The following TRAPPC10 variants were observed in gnomAD, a reference collection of about 807,000 sequenced individuals.
TRAPPC10 encodes TRAPP 130 kDa subunit.
A neutral mutation model predicts 125.5 loss-of-function variants in TRAPPC10; 23 were observed. The observed-to-expected ratio is 0.18, with a 90% CI of 0.13 to 0.26. TRAPPC10 has a LOEUF of 0.26. TRAPPC10 is among the 10% of genes least tolerant of loss of function. The pLI is 1.00. For missense variants in TRAPPC10, 1,123 were observed against 1,308.4 expected (o/e 0.86, Z 2.19); for synonymous variants, 509 against 518.0 (o/e 0.98, Z 0.24).
At chr21:44,088,404 C>G (rs1158918501) in intron 17 of TRAPPC10, 1 of 181,896 alleles carries the variant, frequency 5.5e-6, no homozygotes, top group African/African-American at 2.4e-5. Context: ...CACAGGATAT[C>G]AGCTCATGGA....
At chr21:44,077,255 A>T (rs530358808) in intron 10 of TRAPPC10, among the ~76,000 whole-genome samples, 47 of 152,346 alleles carry the variant, frequency 3.1e-4, no homozygotes, top group African/African-American at 1.1e-3. Context: ...AAATTCACAA[A>T]AATAGATGCA....
chr21:44,074,604 G>T, intron 8 of TRAPPC10, 134 bp downstream of exon 8: 1 of 1,179,290 alleles, frequency 8.5e-7, no homozygotes, highest in Non-Finnish European at 1.2e-6. Flanking sequence ...GGCCCTAGAA[G>T]GTGTCTGGGT....
chr21:44,058,098 G>A (rs2035745509), intron 5 of TRAPPC10, among the ~76,000 whole-genome samples: 1 of 152,192 alleles, frequency 6.6e-6, no homozygotes, highest in African/African-American at 2.4e-5. Flanking sequence ...GTGTGACAGT[G>A]GAGGAGATAC....
At chr21:44,026,623 T>A (rs2256392) in intron 1 of TRAPPC10, among the ~76,000 whole-genome samples, 1 of 152,246 alleles carries the variant, frequency 6.6e-6, no homozygotes. Flanking sequence ...CTTAAAGAAT[T>A]ATTATTTCTG....
At position 44,012,464 on chromosome 21, in the gene TRAPPC10, G is replaced by C; in HGVS notation, c.-30G>C. The C allele has an allele frequency of 7.0e-7, 1 of 1,420,138 alleles. No homozygotes were observed. Among genetic ancestry groups the C allele is most frequent in the Non-Finnish European group, 9.3e-7 (1 of 1,071,064 alleles). The allele number at this position is 1,420,138 out of a possible 1,614,324, so 88.0% of individuals were successfully genotyped here. On this transcript the variant is annotated 5_prime_UTR_variant, in exon 1 of 23. Transcript: ENST00000291574. ...GGCCTCGGGGCTGCCCATGGGGCGC[G>C]GGGGGCCGGGCCGGTGACGCCGGAC...
Position 44,059,812 on chromosome 21 carries a change from G to A in TRAPPC10, c.790+598G>A, listed in dbSNP as rs2035897449. 2.9e-6 allele frequency: 1 copy of A among 350,176 alleles called. No individual in the cohort carries two copies. The allele number at this position is 350,176 out of a possible 1,614,324, so 21.7% of individuals were successfully genotyped here. ...CTGTCGCTCCTTTTTGTTACTCACA[G>A]CCCATCCTGGGCATCTCTCCAGGTT... is the stretch of plus-strand genomic sequence containing the variant. On this transcript the variant is annotated intron_variant, in intron 6 of 22. Coordinates refer to ENST00000291574, the MANE Select transcript of TRAPPC10 (RefSeq NM_003274.5). The surrounding 1 kb of genome is among the most constrained non-coding windows in gnomAD (Gnocchi z 4.4).
chr21:44,038,333 T>A (rs751078116), intron 3 of TRAPPC10, among the ~76,000 whole-genome samples: 1 of 152,084 alleles, frequency 6.6e-6, no homozygotes, highest in Non-Finnish European at 1.5e-5. Context: ...CCAGGCTTAG[T>A]CTAAGCTGTG....
intron 17 of TRAPPC10, chr21:44,089,557 C>A (rs532187089): frequency 9.8e-6 from 5 of 512,166 alleles, no homozygotes; most frequent in African/African-American, 9.6e-5. Context: ...GCTTAGAGGA[C>A]GGCTGTGCTC....
chr21:44,077,838 G>A lies in TRAPPC10; in HGVS notation c.1469+54G>A, dbSNP rs1407331465. 1.1e-5 allele frequency: 15 copies of A among 1,369,470 alleles called. No homozygotes were observed. The South Asian group carries it at 1.8e-4, about 17-fold the overall frequency. The allele number at this position is 1,369,470 out of a possible 1,614,324, so 84.8% of individuals were successfully genotyped here. On this transcript the variant is annotated intron_variant, in intron 11 of 22. Transcript: ENST00000291574. ...TCTAAACATACAAATAACACGAGAA[G>A]ATTTGTTATATATGGAGTTAGTATA...
intron 20 of TRAPPC10, among the ~76,000 whole-genome samples, chr21:44,095,001 TTTAA>T (rs1457773840): frequency 6.7e-6 from 1 of 149,570 alleles, no homozygotes; most frequent in Non-Finnish European, 1.5e-5. Flanking sequence ...TATTAAATAA[TTTAA>T]TTAAATCAAA....
At chr21:44,085,595 G>C (rs907669453) in intron 15 of TRAPPC10, among the ~76,000 whole-genome samples, 1 of 152,042 alleles carries the variant, frequency 6.6e-6, no homozygotes, top group Non-Finnish European at 1.5e-5. Flanking sequence ...ACAGGCTGGA[G>C]CCCCAGCTGA....
intron 5 of TRAPPC10, among the ~76,000 whole-genome samples, chr21:44,058,067 T>G (rs1249457131): frequency 6.6e-6 from 1 of 152,094 alleles, no homozygotes; most frequent in East Asian, 1.9e-4. Flanking sequence ...ACGCCGTCAG[T>G]GTACAGTTTT....
intron 13 of TRAPPC10, 26 bp downstream of exon 13, chr21:44,080,153 T>A (rs770462761): frequency 6.4e-7 from 1 of 1,573,932 alleles, no homozygotes; most frequent in Non-Finnish European, 8.7e-7. Context: ...ACAACTTGAC[T>A]AGGAATATTT....
intron 6 of TRAPPC10, among the ~76,000 whole-genome samples, chr21:44,060,449 G>A (rs566249117): frequency 6.6e-6 from 1 of 151,720 alleles, no homozygotes; most frequent in African/African-American, 2.4e-5. Context: ...CCTGGCTAAT[G>A]TTTTGTATTT....
chr21:44,012,378 C>G lies in TRAPPC10; in HGVS notation c.-116C>G. ...AGCTGCGGCGCAACCGGCTCCGGAG[C>G]TGCCTGGCGCGGCCGGGCGGGCGGC... is the stretch of plus-strand genomic sequence containing the variant. On this transcript the variant is annotated 5_prime_UTR_variant, in exon 1 of 23. Transcript: ENST00000291574. 4.1e-6 allele frequency: 2 copies of G among 490,426 alleles called. No homozygotes were observed. The highest frequency in any genetic ancestry group is 5.3e-6 in the Non-Finnish European group (2 of 377,374). The allele number at this position is 490,426 out of a possible 1,614,324, so 30.4% of individuals were successfully genotyped here.
At chr21:44,083,763 C>T (rs1396072452) in intron 14 of TRAPPC10, among the ~76,000 whole-genome samples, 1 of 152,224 alleles carries the variant, frequency 6.6e-6, no homozygotes, top group Non-Finnish European at 1.5e-5. Context: ...GTTCCACTAA[C>T]TCAACAGGAT....
chr21:44,079,719 T>C lies in TRAPPC10; in HGVS notation c.1610+15T>C. Reference sequence around the variant, plus strand: ...CAAATTGAAAAGTATCCTTTAATGTTTTCATGAAGCAGGAAAATTATTTTC... The same window carrying C: ...CAAATTGAAAAGTATCCTTTAATGTCTTCATGAAGCAGGAAAATTATTTTC... On this transcript the variant is annotated intron_variant, in intron 12 of 22. Coordinates refer to ENST00000291574, the MANE Select transcript of TRAPPC10 (RefSeq NM_003274.5). 1.9e-6 allele frequency: 3 copies of C among 1,595,536 alleles called. No homozygotes were observed. In the South Asian group the frequency reaches 3.5e-5, roughly 18 times the overall value.
chr21:44,030,508 C>A (rs1306739534), intron 1 of TRAPPC10, among the ~76,000 whole-genome samples: 2 of 151,650 alleles, frequency 1.3e-5, no homozygotes, highest in East Asian at 3.9e-4. Flanking sequence ...GCTCTTGTTG[C>A]CCAGGCTGGA....
intron 1 of TRAPPC10, among the ~76,000 whole-genome samples, chr21:44,029,622 C>T (rs1379889630): frequency 1.3e-5 from 2 of 152,194 alleles, no homozygotes; most frequent in Non-Finnish European, 2.9e-5. Flanking sequence ...GGGCTGCCGC[C>T]ACAGAGTCAC....
Sources: allele counts gnomAD v4.1 joint callset (sites outside exome capture counted in the v4.1 genomes callset), GRCh38; gene constraint gnomAD v4.1.1; non-coding constraint Gnocchi (gnomAD v3.1); transcripts MANE v1.5; gene names NCBI Gene and HGNC (gene_info 2026-07-23, HGNC 2026-07-21).